RSRP1: variants seen among roughly 807,000 people sequenced by gnomAD.
RSRP1 encodes arginine and serine rich protein 1, also known as arginine/serine-rich protein 1.
Under a neutral mutation model 33.0 loss-of-function variants are expected in RSRP1, and 37 were observed. The ratio of observed to expected loss-of-function variants is 1.12; its 90% CI spans 0.86 to 1.48. The LOEUF (loss-of-function observed/expected upper bound fraction) is 1.48, where lower values mean the gene tolerates loss of function less well. Among genes scored for constraint, RSRP1 ranks in the 40% most tolerant of loss-of-function variants. The pLI, the probability that RSRP1 is intolerant of heterozygous loss-of-function variation, is 0.00. For synonymous variants in RSRP1, 167 were observed against 158.7 expected (o/e 1.05, Z -0.40); for missense variants, 402 against 385.3 (o/e 1.04, Z -0.36).
In RSRP1 at chr1:25,294,037, A is replaced by T. The variant is rs1157356558; in HGVS notation, c.-67+43941T>A. Reference sequence around the variant, plus strand: ...ATTAAATTCTGAAAATAATCTTGTGATTAAGAGAAGAAGGCTGTCCACCAA... The same window carrying T: ...ATTAAATTCTGAAAATAATCTTGTGTTTAAGAGAAGAAGGCTGTCCACCAA... On this transcript the variant is annotated intron_variant, in intron 1 of 1. Transcript: ENST00000561867. 18 of 595,398 alleles carry T rather than the reference A, an allele frequency of 3.0e-5. 5 individuals carry two copies. The highest frequency in any genetic ancestry group is 5.1e-5 in the Non-Finnish European group (16 of 313,214). The allele number at this position is 595,398 out of a possible 1,614,324, so 36.9% of individuals were successfully genotyped here.
At position 25,305,737 on chromosome 1, in the gene RSRP1, T is replaced by A. The variant is rs1448380741; in HGVS notation, c.-67+32241A>T. Among the ~76,000 whole-genome samples, 3 of 128,832 alleles carry A rather than the reference T, an allele frequency of 2.3e-5. 1 individual carries two copies. Among genetic ancestry groups the A allele is most frequent in the East Asian group, 2.0e-4 (1 of 5,060 alleles). The allele number at this position is 128,832 out of a possible 152,430, so 84.5% of individuals were successfully genotyped here. ...TGCCTCAGCCTCCTGAGTAGCTGGG[T>A]CTACAGGCGCCCACCACCACGCCCA... On this transcript the variant is annotated intron_variant, in intron 1 of 1. Transcript: ENST00000561867.
At chr1:25,253,169 A>G (rs994327856) in intron 1 of RSRP1, 7 of 152,120 alleles carry the variant, frequency 4.6e-5, no homozygotes, top group African/African-American at 1.4e-4. Context: ...TGGCTTCCCA[A>G]ACTGCTGGGA....
At chr1:25,318,767 C>G (rs1288452931) in intron 1 of RSRP1, among the ~76,000 whole-genome samples, 3 of 132,018 alleles carry the variant, frequency 2.3e-5, no homozygotes, top group South Asian at 2.3e-4. Flanking sequence ...CACTTTACTC[C>G]CTCTGAGCCT....
At chr1:25,307,622 A>C in intron 1 of RSRP1, 1 of 1,005,506 alleles carries the variant, frequency 9.9e-7, no homozygotes, top group African/African-American at 1.5e-5. Context: ...AAGAAATGAG[A>C]TTTAAGAGAA....
chr1:25,335,899 A>G (rs1458546579), intron 1 of RSRP1: 2 of 50,526 alleles, frequency 4.0e-5, no homozygotes, highest in Non-Finnish European at 9.9e-5. Flanking sequence ...GGTTCAAACA[A>G]TCCTTGTGCT....
At chr1:25,332,243 G>A (rs1203818393) in intron 1 of RSRP1, among the ~76,000 whole-genome samples, 1 of 128,082 alleles carries the variant, frequency 7.8e-6, no homozygotes, top group African/African-American at 2.7e-5. Flanking sequence ...CACCATGTTG[G>A]CCAGGATGGT....
intron 1 of RSRP1, 122 bp from the exon 2 acceptor site, chr1:25,247,151 A>G: frequency 1.6e-6 from 1 of 615,644 alleles, no homozygotes; most frequent in Non-Finnish European, 2.6e-6. Context: ...CCGCCGCGAC[A>G]GGAACCGAGC....
intron 1 of RSRP1, among the ~76,000 whole-genome samples, chr1:25,296,607 A>C (rs1160222305): frequency 7.6e-6 from 1 of 131,118 alleles, no homozygotes; most frequent in East Asian, 2.0e-4. Flanking sequence ...TCGAATTGTA[A>C]TCCCCACGTG....
At chr1:25,254,491 G>A (rs554099723) in intron 1 of RSRP1, among the ~76,000 whole-genome samples, 1 of 152,176 alleles carries the variant, frequency 6.6e-6, no homozygotes, top group Admixed American at 6.5e-5. Context: ...GCTGGAGTGC[G>A]GTGGTGTGGT....
chr1:25,306,643 C>T, intron 1 of RSRP1: 1 of 1,378,454 alleles, frequency 7.3e-7, no homozygotes, highest in Non-Finnish European at 1.0e-6. Flanking sequence ...CCATCATGGG[C>T]TACAACTTCA....
At position 25,247,378 on chromosome 1, in the gene RSRP1, G is replaced by A. The variant is rs1431242573; in HGVS notation, c.-136C>T. Reference sequence around the variant, plus strand: ...CAGACGCCTTCCTTTCGGAACGTAAGACGAAGTGGGGCTTTTAGTCCCTGC... The same window carrying A: ...CAGACGCCTTCCTTTCGGAACGTAAAACGAAGTGGGGCTTTTAGTCCCTGC... On this transcript the variant is annotated 5_prime_UTR_variant, in exon 1 of 5. Coordinates refer to ENST00000243189, the MANE Select transcript of RSRP1 (RefSeq NM_020317.5). 1 of 183,570 alleles carries A rather than the reference G, an allele frequency of 5.4e-6. No individual in the cohort carries two copies. Among genetic ancestry groups the A allele is most frequent in the African/African-American group, 2.3e-5 (1 of 42,666 alleles). 11.4% of individuals were successfully genotyped at this position (183,570 alleles called of 1,614,324 possible).
chr1:25,260,929 G>A (rs1640117214), intron 1 of RSRP1, among the ~76,000 whole-genome samples: 1 of 151,896 alleles, frequency 6.6e-6, no homozygotes. Context: ...AGCCTCCCGA[G>A]TAGCTGGGAC....
intron 1 of RSRP1, chr1:25,272,617 C>A (rs1288199325): frequency 6.3e-7 from 1 of 1,578,432 alleles, no homozygotes; most frequent in South Asian, 1.1e-5. Context: ...GGAAGCAGCT[C>A]TCATTCTCCT....
At chr1:25,261,101 C>CT (rs1640126418) in intron 1 of RSRP1, among the ~76,000 whole-genome samples, 1 of 151,906 alleles carries the variant, frequency 6.6e-6, no homozygotes, top group African/African-American at 2.4e-5. Context: ...CACCCGGCCT[C>CT]TTTCTCTTCT....
At chr1:25,312,948 A>AAAAAAAAAAAAAAAAAC (rs1557556998) in intron 1 of RSRP1, among the ~76,000 whole-genome samples, 1 of 110,594 alleles carries the variant, frequency 9.0e-6, no homozygotes, top group Non-Finnish European at 2.2e-5. Context: ...AAAAAAAAAA[A>AAAAAAAAAAAAAAAAAC]AAAAAAACTT....
chr1:25,297,913 A>G lies in RSRP1; in HGVS notation c.-67+40065T>C, dbSNP rs752102917. On this transcript the variant is annotated intron_variant, in intron 1 of 1. Transcript: ENST00000561867. Reference sequence around the variant, plus strand: ...ACTCAGGAGGGCACTAGAACTGGCTATGAGAAGCCACTGAGATCCCAGGTA... The same window carrying G: ...ACTCAGGAGGGCACTAGAACTGGCTGTGAGAAGCCACTGAGATCCCAGGTA... Among the ~76,000 whole-genome samples the G allele has an allele frequency of 3.0e-5, 4 of 131,672 alleles. 2 individuals carry two copies. Among genetic ancestry groups the G allele is most frequent in the Non-Finnish European group, 7.2e-5 (4 of 55,786 alleles). The allele number at this position is 131,672 out of a possible 152,430, so 86.4% of individuals were successfully genotyped here. A position where few individuals can be genotyped will look rare whatever the true frequency, so the allele number is the denominator to read the frequency against.
chr1:25,249,965 A>T (rs1639724488), upstream of RSRP1, among the ~76,000 whole-genome samples: 1 of 152,220 alleles, frequency 6.6e-6, no homozygotes, highest in African/African-American at 2.4e-5. Flanking sequence ...GAAACGCCAC[A>T]CTTGGAGACA....
chr1:25,260,056 C>G (rs1640082302), intron 1 of RSRP1, among the ~76,000 whole-genome samples: 1 of 152,102 alleles, frequency 6.6e-6, no homozygotes, highest in Admixed American at 6.6e-5. Context: ...CTTTGCCAAA[C>G]AGGATGTGGA....
At chr1:25,289,986 G>A (rs1051422848) in intron 1 of RSRP1, among the ~76,000 whole-genome samples, 1 of 129,042 alleles carries the variant, frequency 7.7e-6, no homozygotes, top group Non-Finnish European at 1.8e-5. Context: ...TAGACACACC[G>A]ATAGGAAGAA....
Sources: gnomAD v4.1 joint callset for allele counts (sites outside exome capture counted in the v4.1 genomes callset) on GRCh38, gnomAD v4.1.1 for gene constraint, MANE v1.5 for transcripts, NCBI Gene and HGNC (gene_info 2026-07-23, HGNC 2026-07-21) for gene names.